GLMN: variants seen among roughly 807,000 people sequenced by gnomAD.
The protein encoded by GLMN is glomulin.
Under a neutral mutation model 87.8 loss-of-function variants are expected in GLMN, and 75 were observed. The ratio of observed to expected loss-of-function variants is 0.85; its 90% CI spans 0.71 to 1.04. The LOEUF (loss-of-function observed/expected upper bound fraction) is 1.04, where lower values mean the gene tolerates loss of function less well. GLMN is among the 50% of genes least tolerant of loss of function. The pLI is 0.00. For synonymous variants in GLMN, 206 were observed against 221.6 expected (o/e 0.93, Z 0.63); for missense variants, 588 against 658.8 (o/e 0.89, Z 1.18).
At chr1:92,309,211 A>T in the GLMN span, among the ~76,000 whole-genome samples, 1 of 152,080 alleles carries the variant, frequency 6.6e-6, no homozygotes. Context: ...TGGGAGGCCG[A>T]GGGGGGCAGA....
upstream of GLMN, among the ~76,000 whole-genome samples, chr1:92,300,697 G>A (rs1650777930): frequency 6.6e-6 from 1 of 152,222 alleles, no homozygotes; most frequent in African/African-American, 2.4e-5. Flanking sequence ...GGAGTAGAAT[G>A]TGAAGGGGAT....
chr1:92,311,628 T>G, the GLMN span, among the ~76,000 whole-genome samples: 10 of 152,198 alleles, frequency 6.6e-5, no homozygotes, highest in Non-Finnish European at 1.0e-4. Context: ...ATATTGAATT[T>G]GACCTAATTT....
intron 16 of GLMN, among the ~76,000 whole-genome samples, chr1:92,253,793 G>A (rs946542907): frequency 6.6e-6 from 1 of 152,194 alleles, no homozygotes; most frequent in African/African-American, 2.4e-5. Context: ...ACCAAAGGTA[G>A]AAATCCACGA....
chr1:92,290,270 C>A lies in GLMN; in HGVS notation c.322G>T (p.Glu108Ter). 1 of 1,606,540 alleles carries A rather than the reference C, an allele frequency of 6.2e-7. No homozygotes were observed. The highest frequency in any genetic ancestry group is 1.1e-5 in the South Asian group (1 of 90,930). ...NPKELLLGLL[E>*]LIEEPSGKQI... is the part of the protein sequence containing the mutation. ...TTTCCAGAGGGCTCTTCAATCAGTTCAAGCAAACCCAACAATAATTCCTTT... is the reference window on the plus strand; with the variant it reads ...TTTCCAGAGGGCTCTTCAATCAGTTAAAGCAAACCCAACAATAATTCCTTT... The change falls in exon 5 of 19, where the codon GAA (glutamate) becomes TAA (stop). Residue 108 changes from glutamate to a stop codon, truncating the protein, a stop_gained. Transcript: ENST00000370360. LOFTEE classifies it high-confidence loss of function.
In GLMN at chr1:92,264,612, G is replaced by A. The variant is rs756722608; in HGVS notation, c.1241C>T (p.Ser414Leu). Residue 414 changes from serine to leucine, a missense_variant, in exon 14 of 19, where the codon TCA becomes TTA. By Grantham distance (145) the Ser-to-Leu change is moderately radical. Coordinates refer to ENST00000370360, the MANE Select transcript of GLMN (RefSeq NM_053274.3). ...TTGAATAATAAAAGCCTCCACACCT[G>A]AGTGATTACTTGTATTCAATAAGCA... ...FRCLLNTSNH[S>L]GVEAFIIQNI... The A allele has an allele frequency of 1.3e-6, 2 of 1,585,128 alleles. No individual in the cohort carries two copies. The highest frequency in any genetic ancestry group is 1.7e-6 in the Non-Finnish European group (2 of 1,153,890).
At chr1:92,259,427 ATAG>A (rs1219404710) in intron 16 of GLMN, among the ~76,000 whole-genome samples, 3 of 152,204 alleles carry the variant, frequency 2.0e-5, no homozygotes, top group East Asian at 1.9e-4. Context: ...GAGGCATGAA[ATAG>A]TAGGGTGAGG....
At chr1:92,285,165 G>GT (rs1215241396) in intron 7 of GLMN, among the ~76,000 whole-genome samples, 1 of 152,290 alleles carries the variant, frequency 6.6e-6, no homozygotes, top group East Asian at 1.9e-4. Context: ...ACATGCACAT[G>GT]TGTGTTTCTT....
chr1:92,324,720 T>A, the GLMN span, among the ~76,000 whole-genome samples: 1 of 152,240 alleles, frequency 6.6e-6, no homozygotes, highest in Non-Finnish European at 1.5e-5. Flanking sequence ...TTCAGATTTT[T>A]ACATGGGGTC....
chr1:92,285,563 T>C (rs1235016800), intron 7 of GLMN, among the ~76,000 whole-genome samples: 2 of 152,232 alleles, frequency 1.3e-5, no homozygotes, highest in Admixed American at 6.5e-5. Context: ...TGTATACCTA[T>C]GTAACAAACC....
At chr1:92,316,483 C>T in the GLMN span, among the ~76,000 whole-genome samples, 1 of 152,088 alleles carries the variant, frequency 6.6e-6, no homozygotes, top group Non-Finnish European at 1.5e-5. Context: ...GTACATATAT[C>T]CACTAAGTTC....
At chr1:92,302,896 G>A (rs889559281), upstream of GLMN, among the ~76,000 whole-genome samples, 1 of 151,702 alleles carries the variant, frequency 6.6e-6, no homozygotes, top group Non-Finnish European at 1.5e-5. Context: ...CACTGCTCTC[G>A]GCCCGCATTA....
rs979145856 is a variant in GLMN, at chr1:92,251,108, A to C, written c.1474-3119T>G. On this transcript the variant is annotated intron_variant, in intron 16 of 18. Transcript: ENST00000370360. The stretch of plus-strand genomic sequence containing the variant: ...AGAAATTGACAAAATTCTAAAATTT[A>C]TACAGAAAAGGTAAAGGATTTAAAA... Among the ~76,000 whole-genome samples, 3 of 152,344 alleles carry C rather than the reference A, an allele frequency of 2.0e-5. No individual in the cohort carries two copies. In the South Asian group the frequency reaches 6.2e-4, roughly 32 times the overall value.
Position 92,247,163 on chromosome 1 carries a change from C to T in GLMN, c.1586-19G>A, listed in dbSNP as rs755857783. ...TGGGCCTCTGTAAGAGAAGAAAAATCATGTGTGACACTTAACTCTCAGATT... is the reference window on the plus strand; with the variant it reads ...TGGGCCTCTGTAAGAGAAGAAAAATTATGTGTGACACTTAACTCTCAGATT... On this transcript the variant is annotated intron_variant, in intron 17 of 18. Coordinates refer to ENST00000370360, the MANE Select transcript of GLMN (RefSeq NM_053274.3). The T allele has an allele frequency of 8.7e-6, 10 of 1,145,180 alleles. No homozygotes were observed. In the East Asian group the frequency reaches 1.4e-4, roughly 16 times the overall value. The allele number at this position is 1,145,180 out of a possible 1,614,324, so 70.9% of individuals were successfully genotyped here.
intron 15 of GLMN, among the ~76,000 whole-genome samples, chr1:92,263,260 T>A (rs1176356847): frequency 1.3e-5 from 2 of 152,102 alleles, no homozygotes; most frequent in African/African-American, 4.8e-5. Flanking sequence ...AATTATATGT[T>A]CTATATGAAA....
intron 7 of GLMN, among the ~76,000 whole-genome samples, chr1:92,279,670 T>C (rs374234539): frequency 6.6e-6 from 1 of 152,112 alleles, no homozygotes. Context: ...ACCCGGGAAG[T>C]GCGAGGGGTC....
upstream of GLMN, among the ~76,000 whole-genome samples, chr1:92,300,817 A>G (rs1048314896): frequency 6.6e-6 from 1 of 152,264 alleles, no homozygotes; most frequent in African/African-American, 2.4e-5. Context: ...AGTATAAGAT[A>G]TGTCGGACCT....
the GLMN span, among the ~76,000 whole-genome samples, chr1:92,332,323 G>A: frequency 7.8e-3 from 1,186 of 151,772 alleles, 6 homozygotes; most frequent in African/African-American, 0.027. Context: ...GTTATTTTAT[G>A]TAGTTTCCAA....
At chr1:92,250,804 CTTTTT>C (rs976629137) in intron 16 of GLMN, among the ~76,000 whole-genome samples, 7 of 152,108 alleles carry the variant, frequency 4.6e-5, no homozygotes, top group East Asian at 3.9e-4. Flanking sequence ...TAGTTCTTTT[CTTTTT>C]ATTATTTTTC....
chr1:92,268,152 A>G lies in GLMN; in HGVS notation c.978-17T>C, dbSNP rs547011435. Reference sequence around the variant, plus strand: ...TCTTCTGTTCTGAAAAATAATATTAAAATTTATCATGAATTTGTAAACTAT... The same window carrying G: ...TCTTCTGTTCTGAAAAATAATATTAGAATTTATCATGAATTTGTAAACTAT... On this transcript the variant is annotated splice_polypyrimidine_tract_variant and intron_variant, in intron 9 of 18. Coordinates refer to ENST00000370360, the MANE Select transcript of GLMN (RefSeq NM_053274.3). 3.7e-5 allele frequency: 46 copies of G among 1,257,924 alleles called. No homozygotes were observed. In the African/African-American group the frequency reaches 5.9e-4, roughly 16 times the overall value. The allele number at this position is 1,257,924 out of a possible 1,614,324, so 77.9% of individuals were successfully genotyped here. A position where few individuals can be genotyped will look rare whatever the true frequency, so the allele number is the denominator to read the frequency against.
Sources: gnomAD v4.1 joint callset for allele counts (sites outside exome capture counted in the v4.1 genomes callset) on GRCh38, gnomAD v4.1.1 for gene constraint, MANE v1.5 for transcripts, NCBI Gene and HGNC (gene_info 2026-07-23, HGNC 2026-07-21) for gene names.